INPP4B: variants seen among roughly 807,000 people sequenced by gnomAD.
INPP4B encodes inositol polyphosphate 4-phosphatase type II.
INPP4B carries 55 observed loss-of-function variants against 122.5 expected under a neutral mutation model. The ratio of observed to expected loss-of-function variants is 0.45; its 90% CI spans 0.36 to 0.56. The LOEUF (loss-of-function observed/expected upper bound fraction) is 0.56, where lower values mean the gene tolerates loss of function less well. Among genes scored for constraint, INPP4B ranks in the 20% least tolerant of loss-of-function variants. INPP4B has a pLI of 0.00. For missense variants in INPP4B, 1,000 were observed against 1,097.7 expected, an observed-to-expected ratio of 0.91 and a Z score of 1.26; for synonymous variants, 403 against 388.7, an observed-to-expected ratio of 1.04 and a Z score of -0.43.
At chr4:142,037,295 G>A (rs772608295) in intron 25 of INPP4B, among the ~76,000 whole-genome samples, 3 of 151,944 alleles carry the variant, frequency 2.0e-5, no homozygotes, top group Non-Finnish European at 4.4e-5. Context: ...ATAATCCAAC[G>A]TGCATGATTT....
At chr4:142,763,299 C>T (rs897422367) in intron 1 of INPP4B, among the ~76,000 whole-genome samples, 2 of 152,256 alleles carry the variant, frequency 1.3e-5, no homozygotes, top group Admixed American at 1.3e-4. Flanking sequence ...TTAACACTAA[C>T]AGAAGTCTTT....
intron 8 of INPP4B, chr4:142,306,087 T>C: frequency 4.1e-6 from 1 of 241,936 alleles, no homozygotes; most frequent in Non-Finnish European, 6.7e-6. Context: ...ACAATTTCAT[T>C]CTAATACACG....
intron 2 of INPP4B, among the ~76,000 whole-genome samples, chr4:142,596,139 C>T (rs1204813756): frequency 6.6e-6 from 1 of 152,094 alleles, no homozygotes; most frequent in Non-Finnish European, 1.5e-5. Flanking sequence ...GCGACACCGC[C>T]CAGCCAAATT....
chr4:142,825,476 A>G (rs1475172596), intron 1 of INPP4B, among the ~76,000 whole-genome samples: 1 of 151,990 alleles, frequency 6.6e-6, no homozygotes, highest in African/African-American at 2.4e-5. Context: ...TATATGTATC[A>G]TATCATATCA....
chr4:142,188,518 A>AATATATATAT (rs1834283430), intron 15 of INPP4B, among the ~76,000 whole-genome samples: 11 of 105,096 alleles, frequency 1.0e-4, no homozygotes, highest in African/African-American at 1.6e-4. Context: ...AAAGAAAAAA[A>AATATATATAT]ATATATATAG....
chr4:142,249,173 A>T (rs1385640825), intron 11 of INPP4B, among the ~76,000 whole-genome samples: 1 of 152,044 alleles, frequency 6.6e-6, no homozygotes, highest in Non-Finnish European at 1.5e-5. Context: ...TCCAACTCAC[A>T]CAGTCATGGA....
intron 25 of INPP4B, among the ~76,000 whole-genome samples, chr4:142,074,913 A>T (rs1000774175): frequency 6.6e-6 from 1 of 152,040 alleles, no homozygotes; most frequent in Admixed American, 6.6e-5. Flanking sequence ...CCTAAATTGT[A>T]TGCATCCTTA....
chr4:142,708,850 G>C (rs1238343906), intron 2 of INPP4B, among the ~76,000 whole-genome samples: 1 of 152,158 alleles, frequency 6.6e-6, no homozygotes, highest in Admixed American at 6.5e-5. Flanking sequence ...GGCTACTCCA[G>C]ACCTCAGAAC....
intron 2 of INPP4B, among the ~76,000 whole-genome samples, chr4:142,712,052 A>C (rs544861499): frequency 6.6e-6 from 1 of 152,246 alleles, no homozygotes; most frequent in African/African-American, 2.4e-5. Flanking sequence ...TGTCTCAAAA[A>C]TAATAACAAT....
At chr4:142,528,419 TC>T (rs1269766358) in intron 2 of INPP4B, among the ~76,000 whole-genome samples, 2 of 152,070 alleles carry the variant, frequency 1.3e-5, no homozygotes, top group African/African-American at 4.8e-5. Context: ...AGGTTTTAGG[TC>T]CGAGGACCTC....
chr4:142,558,761 C>T (rs548812566), intron 2 of INPP4B, among the ~76,000 whole-genome samples: 5 of 122,238 alleles, frequency 4.1e-5, no homozygotes, highest in African/African-American at 1.6e-4. Flanking sequence ...CGCCATTGCA[C>T]TACAGCCTGG....
At chr4:142,248,051 T>C (rs1729833675) in intron 11 of INPP4B, among the ~76,000 whole-genome samples, 1 of 152,104 alleles carries the variant, frequency 6.6e-6, no homozygotes, top group Admixed American at 6.6e-5. Flanking sequence ...TCCAGGCTCC[T>C]GTGCTCCCAT....
chr4:142,201,404 T>C (rs980868395), intron 14 of INPP4B, among the ~76,000 whole-genome samples: 2 of 152,132 alleles, frequency 1.3e-5, no homozygotes, highest in African/African-American at 4.8e-5. Flanking sequence ...TTTATTATCT[T>C]AGGTAATCTT....
intron 5 of INPP4B, among the ~76,000 whole-genome samples, chr4:142,418,829 T>G (rs1806285145): frequency 1.3e-5 from 2 of 152,132 alleles, no homozygotes; most frequent in South Asian, 4.1e-4. Flanking sequence ...AAATTACATT[T>G]CCATTTTTAG....
At chr4:142,301,434 G>A (rs558173941) in intron 9 of INPP4B, among the ~76,000 whole-genome samples, 3 of 152,270 alleles carry the variant, frequency 2.0e-5, no homozygotes, top group Non-Finnish European at 4.4e-5. Context: ...CTACTAGGTA[G>A]TAAAATAAAA....
chr4:142,623,933 G>C (rs573183000), intron 2 of INPP4B, among the ~76,000 whole-genome samples: 192 of 152,134 alleles, frequency 1.3e-3, no homozygotes, highest in African/African-American at 4.6e-3. Flanking sequence ...ATTCCACGGT[G>C]TATATGTGCC....
chr4:142,251,246 G>A (rs1352235208), intron 11 of INPP4B, among the ~76,000 whole-genome samples: 2 of 152,118 alleles, frequency 1.3e-5, no homozygotes, highest in Non-Finnish European at 2.9e-5. Flanking sequence ...ACATAAGTCA[G>A]TCATTAAAAT....
chr4:142,188,289 C>G (rs973822903), intron 15 of INPP4B, among the ~76,000 whole-genome samples: 1 of 151,378 alleles, frequency 6.6e-6, no homozygotes, highest in Non-Finnish European at 1.5e-5. Context: ...AGATCGAGAC[C>G]ATCCTGGCTA....
At chr4:142,082,231 C>A in intron 24 of INPP4B, 46 bp from the exon 25 acceptor site, 2 of 1,440,088 alleles carry the variant, frequency 1.4e-6, no homozygotes, top group Non-Finnish European at 1.9e-6. Context: ...TTTGTAATAC[C>A]GTAAAGTGTC....
Sources: gnomAD v4.1 joint callset for allele counts (sites outside exome capture counted in the v4.1 genomes callset) on GRCh38, gnomAD v4.1.1 for gene constraint, MANE v1.5 for transcripts, NCBI Gene and HGNC (gene_info 2026-07-23, HGNC 2026-07-21) for gene names.